SNX18: variants seen among roughly 807,000 people sequenced by gnomAD.
The protein encoded by SNX18 is sorting nexin 18.
SNX18 carries 35 observed loss-of-function variants against 48.7 expected under a neutral mutation model. That is an observed-to-expected ratio of 0.72 (90% CI 0.55 to 0.95). The LOEUF (loss-of-function observed/expected upper bound fraction) is 0.95. Ranked by LOEUF, SNX18 falls within the 40% of genes least tolerant of loss-of-function variation. The pLI is 0.00. For synonymous variants in SNX18, 492 were observed against 384.7 expected, an observed-to-expected ratio of 1.28 and a Z score of -3.26; for missense variants, 824 against 871.0, an observed-to-expected ratio of 0.95 and a Z score of 0.68.
chr5:54,601,438 T>C, the SNX18 span, among the ~76,000 whole-genome samples: 18 of 152,280 alleles, frequency 1.2e-4, no homozygotes, highest in African/African-American at 4.1e-4. Context: ...ACTCTAACAG[T>C]GAGAGAGCAT....
the SNX18 span, among the ~76,000 whole-genome samples, chr5:54,614,576 A>G: frequency 6.6e-6 from 1 of 152,116 alleles, no homozygotes; most frequent in Non-Finnish European, 1.5e-5. Flanking sequence ...GGAGGCTGAG[A>G]CAGGTAAATT....
chr5:54,613,048 G>T, the SNX18 span, among the ~76,000 whole-genome samples: 41 of 152,332 alleles, frequency 2.7e-4, no homozygotes, highest in Non-Finnish European at 2.6e-4. Flanking sequence ...TAAGCTGCTT[G>T]TATTGTGACA....
the SNX18 span, among the ~76,000 whole-genome samples, chr5:54,619,154 G>A: frequency 8.5e-5 from 13 of 152,074 alleles, no homozygotes; most frequent in South Asian, 2.1e-4. Flanking sequence ...GAAGGCCCCC[G>A]CTCCAAAGAA....
the SNX18 span, among the ~76,000 whole-genome samples, chr5:54,626,751 T>G: frequency 1.1e-4 from 16 of 152,202 alleles, no homozygotes; most frequent in African/African-American, 3.9e-4. Context: ...AACAAATAAT[T>G]CTCCAGTCCA....
At chr5:54,641,795 G>T in the SNX18 span, among the ~76,000 whole-genome samples, 1 of 152,258 alleles carries the variant, frequency 6.6e-6, no homozygotes, top group Non-Finnish European at 1.5e-5. Flanking sequence ...CTGAATGTGT[G>T]TATGTATGCG....
the SNX18 span, among the ~76,000 whole-genome samples, chr5:54,558,612 G>A: frequency 2.0e-5 from 3 of 152,098 alleles, no homozygotes; most frequent in African/African-American, 7.2e-5. Context: ...GTCATTTCCT[G>A]CTTGGTCCTT....
the SNX18 span, among the ~76,000 whole-genome samples, chr5:54,616,144 T>C: frequency 2.7e-4 from 41 of 152,312 alleles, no homozygotes; most frequent in South Asian, 6.4e-3. Flanking sequence ...CACTAACAAA[T>C]ATTTAGTTAA....
At chr5:54,533,545 A>G (rs1185632672) in intron 1 of SNX18, among the ~76,000 whole-genome samples, 1 of 152,234 alleles carries the variant, frequency 6.6e-6, no homozygotes, top group Non-Finnish European at 1.5e-5. Context: ...TGGGCCACAT[A>G]CAAGGGAATT....
chr5:54,630,031 G>A, the SNX18 span, among the ~76,000 whole-genome samples: 188 of 152,270 alleles, frequency 1.2e-3, 1 homozygote, highest in African/African-American at 4.3e-3. Context: ...GATGAGTGGC[G>A]GTGATGGGAT....
At chr5:54,528,684 T>G (rs1334042924) in intron 1 of SNX18, among the ~76,000 whole-genome samples, 1 of 152,198 alleles carries the variant, frequency 6.6e-6, no homozygotes. Flanking sequence ...GTCGTGGACA[T>G]GCACCATGAT....
intron 1 of SNX18, among the ~76,000 whole-genome samples, chr5:54,531,237 A>G (rs181699465): frequency 6.6e-6 from 1 of 152,148 alleles, no homozygotes; most frequent in Admixed American, 6.5e-5. Context: ...CCTGCCAGGT[A>G]TCATGGCAGG....
At chr5:54,622,923 GA>G in the SNX18 span, among the ~76,000 whole-genome samples, 1 of 152,160 alleles carries the variant, frequency 6.6e-6, no homozygotes, top group Non-Finnish European at 1.5e-5. Flanking sequence ...TTCAAAGTTA[GA>G]AATGTTTGAA....
chr5:54,559,772 C>T, the SNX18 span, among the ~76,000 whole-genome samples: 13 of 152,104 alleles, frequency 8.5e-5, no homozygotes, highest in Admixed American at 2.6e-4. Context: ...AGTGAACAGA[C>T]AGCCTACAGA....
the SNX18 span, among the ~76,000 whole-genome samples, chr5:54,585,741 C>A: frequency 6.6e-6 from 1 of 152,108 alleles, no homozygotes; most frequent in Non-Finnish European, 1.5e-5. Flanking sequence ...CGGTGGCTCA[C>A]GCCTGTAATC....
chr5:54,638,080 C>A, the SNX18 span, among the ~76,000 whole-genome samples: 1 of 152,110 alleles, frequency 6.6e-6, no homozygotes, highest in South Asian at 2.1e-4. Flanking sequence ...CACCAAGGTG[C>A]GGGCTCCCAT....
the SNX18 span, among the ~76,000 whole-genome samples, chr5:54,631,747 A>G: frequency 2.6e-5 from 4 of 152,228 alleles, no homozygotes; most frequent in Non-Finnish European, 4.4e-5. Flanking sequence ...AAGGATGGGA[A>G]TTCAAATGGT....
intron 1 of SNX18, among the ~76,000 whole-genome samples, chr5:54,524,783 G>A (rs971317885): frequency 5.3e-5 from 8 of 152,218 alleles, no homozygotes; most frequent in African/African-American, 1.7e-4. Context: ...GAATCTGGCC[G>A]CTCTGCCGGT....
the SNX18 span, among the ~76,000 whole-genome samples, chr5:54,646,574 C>T: frequency 6.6e-6 from 1 of 152,180 alleles, no homozygotes; most frequent in African/African-American, 2.4e-5. Context: ...CACTACTAAC[C>T]AGAAGGTATT....
the SNX18 span, among the ~76,000 whole-genome samples, chr5:54,619,442 G>T: frequency 6.6e-6 from 1 of 152,148 alleles, no homozygotes; most frequent in African/African-American, 2.4e-5. Flanking sequence ...GCCAGGGGAG[G>T]TCGAGGCTGC....
Sources: gnomAD v4.1 joint callset for allele counts (sites outside exome capture counted in the v4.1 genomes callset) on GRCh38, gnomAD v4.1.1 for gene constraint, MANE v1.5 for transcripts, NCBI Gene and HGNC (gene_info 2026-07-23, HGNC 2026-07-21) for gene names.